Variants in TNFRSF8 observed in about 807,000 individuals in gnomAD.
The protein encoded by TNFRSF8 is tumor necrosis factor receptor superfamily member 8.
Under a neutral mutation model 70.8 loss-of-function variants are expected in TNFRSF8, and 26 were observed. That is an observed-to-expected ratio of 0.37 (90% CI 0.27 to 0.51). The LOEUF (loss-of-function observed/expected upper bound fraction) is 0.51, where lower values mean the gene tolerates loss of function less well. Among genes scored for constraint, TNFRSF8 ranks in the 20% least tolerant of loss-of-function variants. The probability of loss-of-function intolerance (pLI) is 0.94; values close to 1 mark genes in which losing one functional copy is unlikely to be tolerated. For synonymous variants in TNFRSF8, 356 were observed against 339.2 expected (o/e 1.05, Z -0.54); for missense variants, 720 against 807.9 (o/e 0.89, Z 1.32).
Position 12,112,175 on chromosome 1 carries a change from G to A in TNFRSF8, c.793+161G>A, listed in dbSNP as rs1404712845. Among the ~76,000 whole-genome samples the A allele has an allele frequency of 1.3e-5, 2 of 152,168 alleles. No individual in the cohort carries two copies. The highest frequency in any genetic ancestry group is 4.8e-5 in the African/African-American group (2 of 41,440). Reference sequence around the variant, plus strand: ...TATTATTTCCTTCCAGGAAGCGTTTGTGAATCACCCACCTGTTCCAAACTC... The same window carrying A: ...TATTATTTCCTTCCAGGAAGCGTTTATGAATCACCCACCTGTTCCAAACTC... On this transcript the variant is annotated intron_variant, in intron 7 of 14. Coordinates refer to ENST00000263932, the MANE Select transcript of TNFRSF8 (RefSeq NM_001243.5). The surrounding 1 kb of genome is among the most constrained non-coding windows in gnomAD (Gnocchi z 5.3).
intron 4 of TNFRSF8, among the ~76,000 whole-genome samples, chr1:12,107,478 C>T (rs575573886): frequency 2.1e-4 from 32 of 152,018 alleles, no homozygotes; most frequent in Non-Finnish European, 3.2e-4. Context: ...CACTGGATTT[C>T]GAAAACTTAG....
At chr1:12,067,768 T>A (rs1640766990) in intron 1 of TNFRSF8, among the ~76,000 whole-genome samples, 1 of 152,082 alleles carries the variant, frequency 6.6e-6, no homozygotes, top group South Asian at 2.1e-4. Flanking sequence ...AGCTAGTTAC[T>A]CCATACAGTG....
At chr1:12,084,326 T>C in intron 1 of TNFRSF8, 138 bp from the exon 2 acceptor site, 1 of 769,836 alleles carries the variant, frequency 1.3e-6, no homozygotes, top group Non-Finnish European at 2.2e-6. Flanking sequence ...GGTGTGGGTT[T>C]GTGGAATCAG....
intron 1 of TNFRSF8, among the ~76,000 whole-genome samples, chr1:12,064,989 T>C (rs918702547): frequency 6.6e-6 from 1 of 152,080 alleles, no homozygotes; most frequent in African/African-American, 2.4e-5. Context: ...CCCCCTCCAC[T>C]TTTTTTAATG....
chr1:12,112,692 G>A lies in TNFRSF8; in HGVS notation c.793+678G>A, dbSNP rs945789799. Among the ~76,000 whole-genome samples the A allele has an allele frequency of 1.3e-5, 2 of 152,144 alleles. No homozygotes were observed. Among genetic ancestry groups the A allele is most frequent in the East Asian group, 1.9e-4 (1 of 5,198 alleles). The stretch of plus-strand genomic sequence containing the variant: ...ATTATAGGCATGAGCCACCATGCCC[G>A]GCCTGCGAGCTGTTTTGACAAGCAC... On this transcript the variant is annotated intron_variant, in intron 7 of 14. Coordinates refer to ENST00000263932, the MANE Select transcript of TNFRSF8 (RefSeq NM_001243.5). This position sits in a 1 kb window ranked among gnomAD's most constrained non-coding sequence, Gnocchi z 5.3.
Position 12,110,009 on chromosome 1 carries a change from A to G in TNFRSF8, c.513-32A>G. The stretch of plus-strand genomic sequence containing the variant: ...AGGCCTCCCTTGCCCCATTGGCAGA[A>G]TTATCAGTCCCATCTCTGGCTTCTT... On this transcript the variant is annotated intron_variant, in intron 5 of 14. Transcript: ENST00000263932. The surrounding 1 kb of genome is among the most constrained non-coding windows in gnomAD (Gnocchi z 4.0). The G allele has an allele frequency of 6.2e-7, 1 of 1,606,674 alleles. No individual in the cohort carries two copies. Among genetic ancestry groups the G allele is most frequent in the Non-Finnish European group, 8.5e-7 (1 of 1,176,534 alleles).
At chr1:12,097,351 C>T in intron 3 of TNFRSF8, 134 bp downstream of exon 3, 1 of 608,780 alleles carries the variant, frequency 1.6e-6, no homozygotes, top group Non-Finnish European at 3.0e-6. Flanking sequence ...CCTGGTGCCT[C>T]AGTTTACCTC....
rs1253751460 is a variant in TNFRSF8 at position 12,110,929 on chromosome 1, C to G, written c.676+725C>G. On this transcript the variant is annotated intron_variant, in intron 6 of 14. Transcript: ENST00000263932. The surrounding 1 kb of genome is among the most constrained non-coding windows in gnomAD (Gnocchi z 4.0). Reference sequence around the variant, plus strand: ...TCCCATTTTATTACTGAATAGCCCTCCATGGCGTAGATATGCCGAGCTCTG... The same window carrying G: ...TCCCATTTTATTACTGAATAGCCCTGCATGGCGTAGATATGCCGAGCTCTG... Among the ~76,000 whole-genome samples, 1 of 152,148 alleles carries G rather than the reference C, an allele frequency of 6.6e-6. No individual in the cohort carries two copies. The highest frequency in any genetic ancestry group is 2.4e-5 in the African/African-American group (1 of 41,428).
Position 12,108,799 on chromosome 1 carries a change from T to C in TNFRSF8, c.422-767T>C, listed in dbSNP as rs11121864. On this transcript the variant is annotated intron_variant, in intron 4 of 14. Coordinates refer to ENST00000263932, the MANE Select transcript of TNFRSF8 (RefSeq NM_001243.5). The surrounding 1 kb of genome is among the most constrained non-coding windows in gnomAD (Gnocchi z 4.0). Reference sequence around the variant, plus strand: ...CTGCACTCCAGCCTGGGCGACAGAGTAAGACTCTGTCTCAAATAAATAAAT... The same window carrying C: ...CTGCACTCCAGCCTGGGCGACAGAGCAAGACTCTGTCTCAAATAAATAAAT... Among the ~76,000 whole-genome samples the C allele has an allele frequency of 0.074, 11,240 of 152,022 alleles. 442 individuals carry two copies. The highest frequency in any genetic ancestry group is 0.081 in the Non-Finnish European group (5,473 of 67,962).
In TNFRSF8 at chr1:12,128,791, C is replaced by T. The variant is rs949320076; in HGVS notation, c.1309+2555C>T. Among the ~76,000 whole-genome samples the T allele has an allele frequency of 4.6e-5, 7 of 150,914 alleles. No homozygotes were observed. In the South Asian group the frequency reaches 1.5e-3, roughly 32 times the overall value. ...TGTCTCTAGACATTGCCATGTGGCC[C>T]CTGGGGAAAACCTCCTGGTTGAGAA... On this transcript the variant is annotated intron_variant, in intron 12 of 14. Transcript: ENST00000263932.
At chr1:12,122,261 G>A (rs979407045) in intron 8 of TNFRSF8, among the ~76,000 whole-genome samples, 16 of 152,006 alleles carry the variant, frequency 1.1e-4, no homozygotes, top group African/African-American at 3.9e-4. Flanking sequence ...GAACTCCTGA[G>A]CTCAAGTGAT....
At chr1:12,080,109 C>G (rs1008879988) in intron 1 of TNFRSF8, among the ~76,000 whole-genome samples, 1 of 151,670 alleles carries the variant, frequency 6.6e-6, no homozygotes, top group Non-Finnish European at 1.5e-5. Flanking sequence ...CCACCATGCC[C>G]GGCTTATTTT....
At chr1:12,116,771 G>A (rs2101015920) in intron 8 of TNFRSF8, among the ~76,000 whole-genome samples, 1 of 152,246 alleles carries the variant, frequency 6.6e-6, no homozygotes, top group Non-Finnish European at 1.5e-5. Flanking sequence ...CTGAACTCCA[G>A]CCTGGGCAAC....
intron 1 of TNFRSF8, among the ~76,000 whole-genome samples, chr1:12,064,558 G>A (rs2100934939): frequency 6.6e-6 from 1 of 152,228 alleles, no homozygotes; most frequent in South Asian, 2.1e-4. Context: ...TTAGTCCAGC[G>A]GTGGGTCACG....
In TNFRSF8 at chr1:12,142,210, G is replaced by A. The variant is rs774978985; in HGVS notation, c.1544-77G>A. The A allele has an allele frequency of 5.5e-5, 81 of 1,479,252 alleles. No homozygotes were observed. Among genetic ancestry groups the A allele is most frequent in the Middle Eastern group, 3.5e-4 (2 of 5,636 alleles). 91.6% of individuals were successfully genotyped at this position (1,479,252 alleles called of 1,614,324 possible). A position where few individuals can be genotyped will look rare whatever the true frequency, so the allele number is the denominator to read the frequency against. On this transcript the variant is annotated intron_variant, in intron 14 of 14. Coordinates refer to ENST00000263932, the MANE Select transcript of TNFRSF8 (RefSeq NM_001243.5). The surrounding 1 kb of genome is among the most constrained non-coding windows in gnomAD (Gnocchi z 5.0). ...GGCAGGTGTACCAGCACTGGGCCTC[G>A]GCCCTTCTCTGCCTCTTTGCTCCCA...
intron 8 of TNFRSF8, among the ~76,000 whole-genome samples, chr1:12,117,775 G>A (rs1641759083): frequency 6.6e-6 from 1 of 152,098 alleles, no homozygotes; most frequent in South Asian, 2.1e-4. Flanking sequence ...AGGACGTTTA[G>A]GGTATCCCTC....
At chr1:12,091,385 G>A (rs543761666) in intron 2 of TNFRSF8, among the ~76,000 whole-genome samples, 5 of 152,330 alleles carry the variant, frequency 3.3e-5, no homozygotes, top group African/African-American at 1.2e-4. Flanking sequence ...GGGAGCCAGT[G>A]CAGAACAGCT....
intron 1 of TNFRSF8, among the ~76,000 whole-genome samples, chr1:12,082,655 C>T (rs1641086879): frequency 6.6e-6 from 1 of 151,578 alleles, no homozygotes; most frequent in Admixed American, 6.6e-5. Context: ...CCCTACTTCA[C>T]ACCATGTACA....
chr1:12,081,874 G>T (rs1641070123), intron 1 of TNFRSF8, among the ~76,000 whole-genome samples: 1 of 152,030 alleles, frequency 6.6e-6, no homozygotes, highest in South Asian at 2.1e-4. Context: ...CGCACCAGGG[G>T]CCACCTCCTT....
Sources: gnomAD v4.1 joint callset for allele counts (sites outside exome capture counted in the v4.1 genomes callset) on GRCh38, gnomAD v4.1.1 for gene constraint, Gnocchi (gnomAD v3.1) non-coding constraint, MANE v1.5 for transcripts, NCBI Gene and HGNC (gene_info 2026-07-23, HGNC 2026-07-21) for gene names.